Variants in EPB41L1 observed in about 807,000 individuals in gnomAD.
EPB41L1 encodes erythrocyte membrane protein band 4.1 like 1.
EPB41L1 carries 29 observed loss-of-function variants against 97.8 expected under a neutral mutation model. That is an observed-to-expected ratio of 0.30 (90% confidence interval 0.22 to 0.40). The LOEUF is 0.40. Ranked by LOEUF, EPB41L1 falls within the 10% of genes least tolerant of loss-of-function variation. The pLI is 1.00. For missense variants in EPB41L1, 812 were observed against 1,162.3 expected (o/e 0.70, Z 4.38); for synonymous variants, 383 against 459.2 (o/e 0.83, Z 2.12).
intron 2 of EPB41L1, among the ~76,000 whole-genome samples, chr20:36,131,931 C>G (rs2059225453): frequency 6.6e-6 from 1 of 152,142 alleles, no homozygotes; most frequent in Non-Finnish European, 1.5e-5. Context: ...CCTCCCAGAG[C>G]CGTCACCTTC....
intron 2 of EPB41L1, among the ~76,000 whole-genome samples, chr20:36,128,635 C>T: frequency 6.6e-6 from 1 of 152,182 alleles, no homozygotes; most frequent in East Asian, 1.9e-4. Context: ...AGGAGGATGA[C>T]CCGTGCATTT....
intron 2 of EPB41L1, chr20:36,125,480 G>C: frequency 7.6e-7 from 1 of 1,314,008 alleles, no homozygotes; most frequent in Non-Finnish European, 1.1e-6. Context: ...GGTAGAACCT[G>C]CAAAGGGCTT....
At chr20:36,133,904 C>T (rs1184674287) in intron 2 of EPB41L1, among the ~76,000 whole-genome samples, 7 of 151,120 alleles carry the variant, frequency 4.6e-5, no homozygotes, top group African/African-American at 2.4e-5. Flanking sequence ...TACTTGATAG[C>T]AAACCTTGTA....
chr20:36,115,000 A>G (rs990913932), intron 2 of EPB41L1, among the ~76,000 whole-genome samples: 2 of 151,988 alleles, frequency 1.3e-5, no homozygotes, highest in Non-Finnish European at 2.9e-5. Flanking sequence ...GGGGGCTGTA[A>G]CTCCCCTCTT....
intron 6 of EPB41L1, among the ~76,000 whole-genome samples, chr20:36,183,014 A>G (rs952602116): frequency 5.3e-5 from 8 of 152,210 alleles, no homozygotes; most frequent in African/African-American, 1.7e-4. Flanking sequence ...GTTGTGCCTC[A>G]GGGCCAGTAG....
chr20:36,152,386 C>G (rs1460921969), upstream of EPB41L1: 1 of 153,282 alleles, frequency 6.5e-6, no homozygotes, highest in Non-Finnish European at 1.5e-5. Context: ...GTGAGAGGCT[C>G]CATCTGGTTG....
At chr20:36,106,103 G>A (rs775798969) in intron 1 of EPB41L1, among the ~76,000 whole-genome samples, 5 of 152,184 alleles carry the variant, frequency 3.3e-5, no homozygotes, top group Non-Finnish European at 4.4e-5. Flanking sequence ...CTGGAGACCC[G>A]TCCAGAGGCC....
chr20:36,190,409 G>C lies in EPB41L1; in HGVS notation c.1124+35G>C, dbSNP rs2061894724. 1 of 1,606,480 alleles carries C rather than the reference G, an allele frequency of 6.2e-7. No individual in the cohort carries two copies. On this transcript the variant is annotated intron_variant, in intron 10 of 21. Transcript: ENST00000338074. The surrounding 1 kb of genome is among the most constrained non-coding windows in gnomAD (Gnocchi z 5.8). ...ACCTTGGATGGGGTAATGGGGATGG[G>C]GCAGAGGCCATGTGTATGGAGGGGA...
At chr20:36,110,926 T>A (rs2058381459) in intron 1 of EPB41L1, 1 of 152,216 alleles carries the variant, frequency 6.6e-6, no homozygotes, top group Non-Finnish European at 1.5e-5. Context: ...TTAGCTGGGC[T>A]CCAGACCCCA....
chr20:36,137,134 G>T (rs1202439526), intron 2 of EPB41L1, among the ~76,000 whole-genome samples: 1 of 148,738 alleles, frequency 6.7e-6, no homozygotes, highest in Non-Finnish European at 1.5e-5. Context: ...GAGTGCAGTG[G>T]CTCAATCTCG....
Position 36,175,641 on chromosome 20 carries a change from A to G in EPB41L1, c.268A>G (p.Ile90Val), listed in dbSNP as rs143214838. 2.1e-5 allele frequency: 34 copies of G among 1,614,060 alleles called. No homozygotes were observed. The African/African-American group carries it at 4.1e-4, about 20-fold the overall frequency. ...CAAGGCCCAGAAATCGCCCCAGAAG[A>G]TTGCCAAGAAATACAAGAGTGCCAT... ...PSKAQKSPQKIAKKYKSAICR... is the reference protein window; with the variant it reads ...PSKAQKSPQKVAKKYKSAICR... The change falls in exon 3 of 22, where the codon ATT becomes GTT. Residue 90 changes from isoleucine (I) to valine (V), a missense_variant. Coordinates refer to ENST00000338074, the MANE Select transcript of EPB41L1 (RefSeq NM_012156.2).
chr20:36,182,245 G>A (rs757789492), intron 5 of EPB41L1, 27 bp from the exon 6 acceptor site: 18 of 1,610,988 alleles, frequency 1.1e-5, no homozygotes, highest in Admixed American at 1.7e-5. Context: ...TTAGGGCCTC[G>A]CTGATCTCTC....
At chr20:36,218,676 G>A (rs1310869160) in intron 17 of EPB41L1, among the ~76,000 whole-genome samples, 200 bp from the exon 18 acceptor site, 1 of 152,246 alleles carries the variant, frequency 6.6e-6, no homozygotes, top group Non-Finnish European at 1.5e-5. Context: ...ATGAGCGAGT[G>A]TGCAAGTGTG....
intron 19 of EPB41L1, among the ~76,000 whole-genome samples, chr20:36,220,878 G>C (rs2063740418): frequency 6.6e-6 from 1 of 152,194 alleles, no homozygotes; most frequent in Non-Finnish European, 1.5e-5. Context: ...GGAGCAGCCA[G>C]GTTGATGAGC....
At chr20:36,135,546 T>G (rs765824212) in intron 2 of EPB41L1, among the ~76,000 whole-genome samples, 4 of 152,222 alleles carry the variant, frequency 2.6e-5, no homozygotes, top group Non-Finnish European at 5.9e-5. Context: ...ACCTGCCAGT[T>G]GGGATTGATT....
rs78864234 is a variant in EPB41L1 at position 36,095,422 on chromosome 20, G to C, written c.-65+3810G>C. On this transcript the variant is annotated intron_variant, in intron 1 of 19. Transcript: ENST00000202028. Reference sequence around the variant, plus strand: ...TGCGCCCAGCCTGGGATCTTCTTTTGACTTTAGCCAACCCCTTCATGTGTT... The same window carrying C: ...TGCGCCCAGCCTGGGATCTTCTTTTCACTTTAGCCAACCCCTTCATGTGTT... Among the ~76,000 whole-genome samples the C allele has an allele frequency of 8.1e-3, 1,240 of 152,264 alleles. 42 individuals carry two copies. The highest frequency in any genetic ancestry group is 0.057 in the Admixed American group (869 of 15,296).
In EPB41L1 at chr20:36,185,333, T is replaced by C. The variant is rs755085093; in HGVS notation, c.783T>C (p.Tyr261=). Residue 261 remains tyrosine, a splice_region_variant and synonymous_variant, in exon 7 of 22, where the codon TAT becomes TAC. Coordinates refer to ENST00000338074, the MANE Select transcript of EPB41L1 (RefSeq NM_012156.2). ...GGATCATGGAGCTGCATAAGACATA[T>C]AGGTAAGAGGGTGCCAGCCAGGGCC... is the stretch of plus-strand genomic sequence containing the variant. ...EERIMELHKT[Y]RGMTPGEAEI... 6.8e-6 allele frequency: 11 copies of C among 1,612,236 alleles called. No individual in the cohort carries two copies. In the South Asian group the frequency reaches 1.2e-4, roughly 18 times the overall value.
chr20:36,109,278 C>A (rs368398130), intron 1 of EPB41L1, among the ~76,000 whole-genome samples: 1 of 152,214 alleles, frequency 6.6e-6, no homozygotes, highest in African/African-American at 2.4e-5. Flanking sequence ...AAATGAAAAA[C>A]CTTGGTCTGG....
chr20:36,138,390 C>T (rs1024611047), intron 2 of EPB41L1, among the ~76,000 whole-genome samples: 71 of 151,868 alleles, frequency 4.7e-4, no homozygotes, highest in African/African-American at 1.6e-3. Context: ...CTCAGCCTCC[C>T]GAGTAGCTGG....
Sources: allele counts gnomAD v4.1 joint callset (sites outside exome capture counted in the v4.1 genomes callset), GRCh38; gene constraint gnomAD v4.1.1; non-coding constraint Gnocchi (gnomAD v3.1); transcripts MANE v1.5; gene names NCBI Gene and HGNC (gene_info 2026-07-23, HGNC 2026-07-21).